CPEB3: variants seen among roughly 807,000 people sequenced by gnomAD.
The protein encoded by CPEB3 is cytoplasmic polyadenylation element-binding protein 3.
In CPEB3, 20 loss-of-function variants were observed where a neutral mutation model predicts 67.2. That is an observed-to-expected ratio of 0.30 (90% CI 0.21 to 0.43). CPEB3 has a LOEUF of 0.43. Ranked by LOEUF, CPEB3 falls within the 20% of genes least tolerant of loss-of-function variation. CPEB3 has a pLI of 1.00. For synonymous variants in CPEB3, 376 were observed against 393.1 expected, an observed-to-expected ratio of 0.96 and a Z score of 0.51; for missense variants, 746 against 968.6, an observed-to-expected ratio of 0.77 and a Z score of 3.05.
intron 9 of CPEB3, among the ~76,000 whole-genome samples, chr10:92,057,898 C>T (rs1842173809): frequency 6.6e-6 from 1 of 152,194 alleles, no homozygotes; most frequent in East Asian, 1.9e-4. Flanking sequence ...GCATGGGTGA[C>T]CCCTAAAGCA....
chr10:92,139,463 G>A (rs1409495408), intron 6 of CPEB3, among the ~76,000 whole-genome samples: 1 of 142,386 alleles, frequency 7.0e-6, no homozygotes. Flanking sequence ...ATGCATTTGT[G>A]AGAACTAAAA....
At chr10:92,269,118 G>A (rs886460833) in intron 1 of CPEB3, among the ~76,000 whole-genome samples, 1 of 151,954 alleles carries the variant, frequency 6.6e-6, no homozygotes, top group African/African-American at 2.4e-5. Flanking sequence ...TGGGCTCCTT[G>A]GGAGCACAAC....
chr10:92,108,528 A>C (rs1844578648), intron 7 of CPEB3, among the ~76,000 whole-genome samples: 1 of 152,194 alleles, frequency 6.6e-6, no homozygotes, highest in African/African-American at 2.4e-5. Context: ...AGAACCCAAA[A>C]TAGGATCCAG....
chr10:92,222,209 T>A (rs79164964), intron 2 of CPEB3, among the ~76,000 whole-genome samples: 2 of 151,370 alleles, frequency 1.3e-5, no homozygotes, highest in African/African-American at 4.9e-5. Context: ...TTTTTTTTTT[T>A]AATTTTTCAT....
At chr10:92,129,126 G>A (rs1371905871) in intron 6 of CPEB3, among the ~76,000 whole-genome samples, 3 of 152,194 alleles carry the variant, frequency 2.0e-5, no homozygotes, top group Non-Finnish European at 2.9e-5. Context: ...TAAAGAAAAC[G>A]TGGTACATAT....
intron 6 of CPEB3, among the ~76,000 whole-genome samples, chr10:92,113,725 G>A (rs1372963616): frequency 6.6e-6 from 1 of 152,062 alleles, no homozygotes; most frequent in African/African-American, 2.4e-5. Flanking sequence ...GTTTTGCATT[G>A]ACCTTGGGCA....
intron 4 of CPEB3, among the ~76,000 whole-genome samples, chr10:92,169,760 G>T (rs1590293402): frequency 6.6e-6 from 1 of 152,132 alleles, no homozygotes; most frequent in South Asian, 2.1e-4. Flanking sequence ...TTACTGGGGG[G>T]CCATTACTTT....
intron 7 of CPEB3, among the ~76,000 whole-genome samples, chr10:92,093,852 T>C (rs1590119963): frequency 1.3e-5 from 2 of 151,874 alleles, no homozygotes; most frequent in South Asian, 4.2e-4. Flanking sequence ...ACCTAACTTT[T>C]TGCCTTTATT....
intron 4 of CPEB3, among the ~76,000 whole-genome samples, chr10:92,150,328 G>T (rs1199925515): frequency 6.6e-6 from 1 of 151,108 alleles, no homozygotes; most frequent in East Asian, 1.9e-4. Flanking sequence ...CTGGGCTCTA[G>T]TGATCTTCCT....
At chr10:92,073,046 T>C (rs1447200182) in intron 9 of CPEB3, among the ~76,000 whole-genome samples, 1 of 138,706 alleles carries the variant, frequency 7.2e-6, no homozygotes, top group Non-Finnish European at 1.6e-5. Flanking sequence ...GTCTTTTTTT[T>C]TTTTTTTTTT....
In CPEB3 at chr10:92,239,454, G is replaced by A. The variant is rs778938179; in HGVS notation, c.897C>T (p.Asn299=). ...ISPLKKPFSS[N]VIAPPKFPRA... ...GAGGGAACTTGGGCGGCGCGATCAC[G>A]TTGCTGGAGAAGGGCTTTTTGAGCG... Residue 299 remains asparagine, a synonymous_variant, in exon 2 of 10, where the codon AAC becomes AAT. Transcript: ENST00000265997. This position sits in a 1 kb window ranked among gnomAD's most constrained non-coding sequence, Gnocchi z 6.0. The A allele has an allele frequency of 1.1e-5, 17 of 1,598,182 alleles. No individual in the cohort carries two copies. In the East Asian group the frequency reaches 3.6e-4, roughly 34 times the overall value.
At chr10:92,122,871 A>C (rs751211253) in intron 6 of CPEB3, among the ~76,000 whole-genome samples, 9 of 152,252 alleles carry the variant, frequency 5.9e-5, no homozygotes, top group South Asian at 2.1e-4. Context: ...TAAAATGTAG[A>C]GGTAGCTCTG....
In CPEB3 at chr10:92,286,999, C is replaced by A. The variant is rs569812436; in HGVS notation, c.-12+3927G>T. On this transcript the variant is annotated intron_variant, in intron 1 of 9. Coordinates refer to ENST00000265997, the MANE Select transcript of CPEB3 (RefSeq NM_014912.5). ...CTACATCATCAAGCTTTGTTCTTGT[C>A]CTCTGAACTTGGGAGAATCTTTAAA... Among the ~76,000 whole-genome samples, 48 of 152,282 alleles carry A rather than the reference C, an allele frequency of 3.2e-4. 1 individual carries two copies. In the South Asian group the frequency reaches 9.9e-3, roughly 32 times the overall value.
intron 2 of CPEB3, among the ~76,000 whole-genome samples, chr10:92,208,599 C>CT (rs1297759358): frequency 6.0e-4 from 80 of 132,976 alleles, no homozygotes; most frequent in East Asian, 8.8e-4. Context: ...TTTTTTCTTT[C>CT]TTTTTTTTTT....
chr10:92,252,548 A>C (rs890215342), intron 1 of CPEB3, among the ~76,000 whole-genome samples: 8 of 152,246 alleles, frequency 5.3e-5, no homozygotes, highest in Non-Finnish European at 8.8e-5. Flanking sequence ...CTGTAATAGA[A>C]TGGATAAATA....
chr10:92,052,376 C>T lies in CPEB3; in HGVS notation c.1933G>A (p.Gly645Ser), dbSNP rs1454002300. 1 of 1,614,242 alleles carries T rather than the reference C, an allele frequency of 6.2e-7. No individual in the cohort carries two copies. ...CAGAAGAACGGGGCAAACTTCCCACCACAGCGTGTGCCCTGGCACTCATCA... is the reference window on the plus strand; with the variant it reads ...CAGAAGAACGGGGCAAACTTCCCACTACAGCGTGTGCCCTGGCACTCATCA... Reference protein sequence around the residue: ...MCDECQGTRCGGKFAPFFCAN... With the variant: ...MCDECQGTRCSGKFAPFFCAN... The change falls in exon 10 of 10, where the codon GGT (glycine) becomes AGT (serine). Residue 645 changes from glycine to serine, a missense_variant. Transcript: ENST00000265997.
chr10:92,143,276 T>C (rs1464118587), intron 5 of CPEB3, among the ~76,000 whole-genome samples, 158 bp from the exon 6 acceptor site: 1 of 152,202 alleles, frequency 6.6e-6, no homozygotes, highest in Non-Finnish European at 1.5e-5. Flanking sequence ...TGAAATACCA[T>C]TGCTTGGGTG....
intron 1 of CPEB3, among the ~76,000 whole-genome samples, chr10:92,264,314 T>C (rs1417066988): frequency 5.2e-4 from 64 of 122,570 alleles, no homozygotes; most frequent in Middle Eastern, 5.7e-3. Context: ...GGGGACAGAG[T>C]GAGACTCCAT....
In CPEB3 at chr10:92,117,055, C is replaced by T. The variant is rs544930583; in HGVS notation, c.1454-5861G>A. 2.5e-4 allele frequency among the ~76,000 whole-genome samples: 38 copies of T among 152,248 alleles called. 1 individual carries two copies. In the South Asian group the frequency reaches 7.9e-3, roughly 32 times the overall value. The stretch of plus-strand genomic sequence containing the variant: ...TTTTTGTTTTTTTGAGACAGAGTCT[C>T]GCTCTGTCGCCCAGGCTGGAGTGCA... On this transcript the variant is annotated intron_variant, in intron 6 of 9. Coordinates refer to ENST00000265997, the MANE Select transcript of CPEB3 (RefSeq NM_014912.5).
Sources: allele counts gnomAD v4.1 joint callset (sites outside exome capture counted in the v4.1 genomes callset), GRCh38; gene constraint gnomAD v4.1.1; non-coding constraint Gnocchi (gnomAD v3.1); transcripts MANE v1.5; gene names NCBI Gene and HGNC (gene_info 2026-07-23, HGNC 2026-07-21).